CPAMD8: variants seen among roughly 807,000 people sequenced by gnomAD.
CPAMD8 encodes the protein C3 and PZP-like alpha-2-macroglobulin domain-containing protein 8.
In CPAMD8, 146 loss-of-function variants were observed where a neutral mutation model predicts 224.7. The observed-to-expected ratio is 0.65, with a 90% confidence interval of 0.57 to 0.75. The LOEUF is 0.75. CPAMD8 is among the 30% of genes least tolerant of loss of function. CPAMD8 has a pLI of 0.00. For synonymous variants in CPAMD8, 966 were observed against 1,044.6 expected (o/e 0.92, Z 1.45); for missense variants, 2,301 against 2,537.5 (o/e 0.91, Z 2.00).
chr19:16,991,424 A>C (rs1358843315), intron 12 of CPAMD8, among the ~76,000 whole-genome samples: 1 of 152,038 alleles, frequency 6.6e-6, no homozygotes, highest in African/African-American at 2.4e-5. Flanking sequence ...TGTGCCTACC[A>C]CCTGTGAAGT....
At position 16,961,272 on chromosome 19, in the gene CPAMD8, G is replaced by T. The variant is rs547863558; in HGVS notation, c.2214-3357C>A. 3.3e-5 allele frequency among the ~76,000 whole-genome samples: 5 copies of T among 152,334 alleles called. No homozygotes were observed. In the South Asian group the frequency reaches 6.2e-4, roughly 19 times the overall value. ...TTCCCTTTCCTAGCCAAGGGAAGCC[G>T]GGATAGACTGTACCTGGAAAAACAG... is the stretch of plus-strand genomic sequence containing the variant. On this transcript the variant is annotated intron_variant, in intron 18 of 41. Coordinates refer to ENST00000443236, the MANE Select transcript of CPAMD8 (RefSeq NM_015692.5).
At chr19:16,975,617 A>T (rs939282018) in intron 16 of CPAMD8, among the ~76,000 whole-genome samples, 1 of 152,112 alleles carries the variant, frequency 6.6e-6, no homozygotes, top group African/African-American at 2.4e-5. Flanking sequence ...CTGAGGTGGG[A>T]GGATCGTTTA....
At chr19:16,948,893 G>A (rs1214040882) in intron 20 of CPAMD8, among the ~76,000 whole-genome samples, 2 of 86,928 alleles carry the variant, frequency 2.3e-5, no homozygotes, top group African/African-American at 4.6e-5. Context: ...GAAGGGAAGG[G>A]AAGGGAAGGG....
intron 23 of CPAMD8, among the ~76,000 whole-genome samples, chr19:16,933,403 C>T (rs1218270555): frequency 1.3e-5 from 2 of 152,078 alleles, no homozygotes; most frequent in African/African-American, 2.4e-5. Context: ...AGGTAAGCCA[C>T]GGTCTGGGAG....
intron 25 of CPAMD8, 40 bp downstream of exon 25, chr19:16,927,969 C>A (rs76491507): frequency 6.8e-7 from 1 of 1,461,776 alleles, no homozygotes; most frequent in East Asian, 2.3e-5. Flanking sequence ...TCGGCTCTTG[C>A]CCCCTGACCT....
chr19:16,958,297 C>T (rs2054539096), intron 18 of CPAMD8, among the ~76,000 whole-genome samples: 2 of 152,098 alleles, frequency 1.3e-5, no homozygotes, highest in African/African-American at 4.8e-5. Context: ...CTCAAGTAGA[C>T]CTGTGTCTGT....
rs1568513154 is a variant in CPAMD8 at position 16,947,199 on chromosome 19, C to T, written c.2537G>A (p.Gly846Asp). The T allele has an allele frequency of 6.2e-7, 1 of 1,613,442 alleles. No individual in the cohort carries two copies. Among genetic ancestry groups the T allele is most frequent in the Non-Finnish European group, 8.5e-7 (1 of 1,179,668 alleles). ...EVYMKLSVPK[G>D]IQFVGHPGKR... Reference sequence around the variant, plus strand: ...GCCAGGATGCCCAACAAACTGGATGCCCTTGGGAACCGAGAGCTTCATGTA... The same window carrying T: ...GCCAGGATGCCCAACAAACTGGATGTCCTTGGGAACCGAGAGCTTCATGTA... The change falls in exon 21 of 42, where the codon GGC (glycine) becomes GAC (aspartate). Residue 846 changes from glycine to aspartate, a missense_variant. Physicochemically the swap from Gly to Asp is moderately conservative, Grantham distance 94. Around this residue, in one of 4 missense-constraint regions of CPAMD8, gnomAD observed 1,709 missense variants for 1,753.2 expected, o/e 0.97. Coordinates refer to ENST00000443236, the MANE Select transcript of CPAMD8 (RefSeq NM_015692.5).
intron 18 of CPAMD8, among the ~76,000 whole-genome samples, chr19:16,961,193 G>A (rs1000566873): frequency 1.3e-5 from 2 of 152,204 alleles, no homozygotes; most frequent in Non-Finnish European, 2.9e-5. Context: ...TGAAGGATGA[G>A]CCGCAGTAGG....
At chr19:16,925,418 A>T (rs977647403) in intron 25 of CPAMD8, 46 bp from the exon 26 acceptor site, 3 of 1,452,416 alleles carry the variant, frequency 2.1e-6, no homozygotes, top group Non-Finnish European at 9.7e-7. Context: ...GTCCCAGTTC[A>T]GTAGAGAACA....
At chr19:16,983,637 G>A (rs757447724) in intron 13 of CPAMD8, among the ~76,000 whole-genome samples, 8 of 152,094 alleles carry the variant, frequency 5.3e-5, no homozygotes, top group East Asian at 3.9e-4. Flanking sequence ...CCAAGGAGAC[G>A]TGATGACTAA....
chr19:17,020,923 C>T (rs1008689562), intron 2 of CPAMD8, among the ~76,000 whole-genome samples: 9 of 152,004 alleles, frequency 5.9e-5, no homozygotes, highest in South Asian at 2.1e-4. Context: ...CAGCACACAA[C>T]GCACGTGGCT....
chr19:16,953,513 A>T (rs2054363424), intron 19 of CPAMD8, among the ~76,000 whole-genome samples: 1 of 151,988 alleles, frequency 6.6e-6, no homozygotes, highest in Non-Finnish European at 1.5e-5. Context: ...CAGCCTGAGC[A>T]ACACAGCAAG....
chr19:16,962,256 C>CA (rs1346052754), intron 18 of CPAMD8, among the ~76,000 whole-genome samples: 1 of 152,184 alleles, frequency 6.6e-6, no homozygotes. Context: ...GCTAAAGGAG[C>CA]ACGTTCAAAC....
chr19:16,948,430 C>T (rs1272003436), intron 20 of CPAMD8, among the ~76,000 whole-genome samples: 3 of 152,142 alleles, frequency 2.0e-5, no homozygotes, highest in African/African-American at 7.2e-5. Context: ...CCCACATCCC[C>T]CTCAAGGTAG....
At chr19:17,003,908 TTTTTC>T (rs982022755) in intron 8 of CPAMD8, among the ~76,000 whole-genome samples, 5 of 150,110 alleles carry the variant, frequency 3.3e-5, no homozygotes, top group African/African-American at 1.2e-4. Flanking sequence ...TTTCCTTTTC[TTTTTC>T]TTTTTTTTTT....
chr19:17,004,622 C>T (rs1197285624), intron 7 of CPAMD8, among the ~76,000 whole-genome samples: 2 of 152,046 alleles, frequency 1.3e-5, no homozygotes, highest in Non-Finnish European at 2.9e-5. Context: ...ACTGGACCCG[C>T]GGTTCCCGGG....
chr19:16,968,645 A>T (rs2054941507), intron 18 of CPAMD8, among the ~76,000 whole-genome samples: 1 of 152,072 alleles, frequency 6.6e-6, no homozygotes, highest in Non-Finnish European at 1.5e-5. Flanking sequence ...TTATTTATTT[A>T]TTTTTAAATT....
At position 16,947,074 on chromosome 19, in the gene CPAMD8, C is replaced by T; in HGVS notation, c.2662G>A (p.Ala888Thr). The T allele has an allele frequency of 1.2e-6, 2 of 1,604,232 alleles. No individual in the cohort carries two copies. Among genetic ancestry groups the T allele is most frequent in the African/African-American group, 2.7e-5 (2 of 74,850 alleles). The part of the protein sequence containing the change: ...FSDLGLNNIT[A>T]KALAYGDTNC... ...ACCCCAAGAACTGTGGGGTCCTCAC[C>T]CGTGATGTTGTTGAGTCCCAGGTCG... The change falls in exon 21 of 42, where the codon GCC becomes ACC. Residue 888 changes from alanine (A) to threonine (T), a missense_variant and splice_region_variant. By Grantham distance (58) the Ala-to-Thr change is moderately conservative. Coordinates refer to ENST00000443236, the MANE Select transcript of CPAMD8 (RefSeq NM_015692.5).
At chr19:16,947,035 T>C (rs2054124858) in intron 21 of CPAMD8, 39 bp downstream of exon 21, 2 of 1,551,378 alleles carry the variant, frequency 1.3e-6, no homozygotes, top group South Asian at 1.2e-5. Context: ...TTTTGTGGCC[T>C]GGAGAGGGGG....
Sources: allele counts gnomAD v4.1 joint callset (sites outside exome capture counted in the v4.1 genomes callset), GRCh38; gene constraint gnomAD v4.1.1; regional missense constraint gnomAD v4.1.1; transcripts MANE v1.5; gene names NCBI Gene and HGNC (gene_info 2026-07-23, HGNC 2026-07-21).